SRPRA: variants seen among roughly 807,000 people sequenced by gnomAD.
SRPRA encodes SRP receptor subunit alpha.
SRPRA carries 30 observed loss-of-function variants against 61.1 expected under a neutral mutation model. The observed-to-expected ratio is 0.49, with a 90% confidence interval of 0.37 to 0.67. The LOEUF (loss-of-function observed/expected upper bound fraction) is 0.67. SRPRA is among the 30% of genes least tolerant of loss of function. The pLI is 0.00. For missense variants in SRPRA, 759 were observed against 828.4 expected (o/e 0.92, Z 1.03); for synonymous variants, 324 against 299.7 (o/e 1.08, Z -0.84).
Position 126,265,220 on chromosome 11 carries a change from C to A in SRPRA, c.1311+48G>T, listed in dbSNP as rs778694758. On this transcript the variant is annotated intron_variant, in intron 10 of 13. Transcript: ENST00000332118. This position sits in a 1 kb window ranked among gnomAD's most constrained non-coding sequence, Gnocchi z 6.3. ...GTCACCTAAAGCCAGGATTTTGAGA[C>A]ACAAGAAGTACAGAAATATCAGCGA... 5.0e-6 allele frequency: 8 copies of A among 1,613,648 alleles called. No individual in the cohort carries two copies. The highest frequency in any genetic ancestry group is 4.5e-5 in the East Asian group (2 of 44,896).
chr11:126,256,744 A>G, the SRPRA span: 6 of 1,614,168 alleles, frequency 3.7e-6, no homozygotes, highest in Non-Finnish European at 5.1e-6. The surrounding 1 kb of genome is among the most constrained non-coding windows in gnomAD (Gnocchi z 6.6). Flanking sequence ...GCTTCGAGAA[A>G]ACATGCTGGA....
rs764757201 is a variant in SRPRA at position 126,265,306 on chromosome 11, C to T, written c.1273G>A (p.Gly425Ser). ...GTAGATTTCCCCACTCCATTAACGC[C>T]GCAGAAGGTGACGACATAAGGGCGC... ...RQRPYVVTFC[G>S]VNGVGKSTNL... The change falls in exon 10 of 14, where the codon GGC becomes AGC. Residue 425 changes from glycine (G) to serine (S), a missense_variant. Transcript: ENST00000332118. The surrounding 1 kb of genome is among the most constrained non-coding windows in gnomAD (Gnocchi z 6.3). The T allele has an allele frequency of 5.0e-6, 8 of 1,614,180 alleles. No individual in the cohort carries two copies. The highest frequency in any genetic ancestry group is 6.8e-6 in the Non-Finnish European group (8 of 1,180,034).
In SRPRA at chr11:126,267,589, C is replaced by A. The variant is rs780982172; in HGVS notation, c.325G>T (p.Gly109Cys). The A allele has an allele frequency of 6.2e-7, 1 of 1,614,114 alleles. No homozygotes were observed. ...QQQSALSLLN[G>C]TFDFQNDFLR... Reference sequence around the variant, plus strand: ...AAGTCATTTTGGAAATCAAAAGTGCCATTTAATAAACTTAAAGCACTTTGC... The same window carrying A: ...AAGTCATTTTGGAAATCAAAAGTGCAATTTAATAAACTTAAAGCACTTTGC... Residue 109 changes from glycine (G) to cysteine (C), a missense_variant, in exon 3 of 14, where the codon GGC becomes TGC. Gly to Cys is a radical substitution (Grantham distance 159). Coordinates refer to ENST00000332118, the MANE Select transcript of SRPRA (RefSeq NM_003139.4). This position sits in a 1 kb window ranked among gnomAD's most constrained non-coding sequence, Gnocchi z 4.2.
At chr11:126,241,625 T>C in the SRPRA span, among the ~76,000 whole-genome samples, 124,446 of 151,890 alleles carry the variant, frequency 0.82, 51,254 homozygotes, top group East Asian at 1. Context: ...TCTCGCCTCA[T>C]GGCAGCCTCC....
chr11:126,248,132 C>G, the SRPRA span, among the ~76,000 whole-genome samples: 1 of 149,114 alleles, frequency 6.7e-6, no homozygotes, highest in African/African-American at 2.4e-5. Flanking sequence ...GGCAACAGAG[C>G]AAGACTCTGT....
rs767063498 is a variant in SRPRA at position 126,267,971 on chromosome 11, A to G, written c.201+32T>C. The G allele has an allele frequency of 1.2e-5, 20 of 1,600,246 alleles. No homozygotes were observed. Among genetic ancestry groups the G allele is most frequent in the Non-Finnish European group, 1.5e-5 (17 of 1,167,602 alleles). ...CTTAAAAATCAGGGCTATGTTAACA[A>G]TGCAATCGTCCCTCTACAACACCCC... On this transcript the variant is annotated intron_variant, in intron 2 of 13. Transcript: ENST00000332118. The surrounding 1 kb of genome is among the most constrained non-coding windows in gnomAD (Gnocchi z 4.2).
In SRPRA at chr11:126,264,093, C is replaced by T; in HGVS notation, c.1789-49G>A. ...CATCAACACAAGCCCACTTTTCACT[C>T]ACCCTCTCAGGAACAGGAAGCGCTG... On this transcript the variant is annotated intron_variant, in intron 13 of 13. Transcript: ENST00000332118. This position sits in a 1 kb window ranked among gnomAD's most constrained non-coding sequence, Gnocchi z 5.0. The T allele has an allele frequency of 6.2e-7, 1 of 1,613,530 alleles. No individual in the cohort carries two copies. Among genetic ancestry groups the T allele is most frequent in the Non-Finnish European group, 8.5e-7 (1 of 1,179,666 alleles).
chr11:126,248,667 G>A, the SRPRA span, among the ~76,000 whole-genome samples: 1 of 152,072 alleles, frequency 6.6e-6, no homozygotes, highest in Non-Finnish European at 1.5e-5. Context: ...AGCACGCCCG[G>A]CCCAGACTCG....
chr11:126,240,690 C>G, the SRPRA span: 1 of 1,233,626 alleles, frequency 8.1e-7, no homozygotes, highest in Non-Finnish European at 1.1e-6. Flanking sequence ...TTCTTTGCAA[C>G]TATAAAAGTT....
the SRPRA span, among the ~76,000 whole-genome samples, chr11:126,237,394 T>A: frequency 6.9e-6 from 1 of 145,714 alleles, no homozygotes; most frequent in African/African-American, 2.5e-5. Context: ...CTAATTTTTA[T>A]TTTATTTATT....
downstream of SRPRA, chr11:126,262,102 T>C (rs767794369): frequency 1.9e-6 from 3 of 1,614,002 alleles, no homozygotes; most frequent in Non-Finnish European, 1.7e-6. Context: ...TTTTGTTCTC[T>C]TTTCTTTCTC....
Position 126,267,558 on chromosome 11 carries a change from C to T in SRPRA, c.356G>A (p.Arg119Gln), listed in dbSNP as rs376433751. The T allele has an allele frequency of 9.3e-6, 15 of 1,613,886 alleles. No individual in the cohort carries two copies. The highest frequency in any genetic ancestry group is 5.5e-5 in the South Asian group (5 of 91,076). Residue 119 changes from arginine to glutamine, a missense_variant, in exon 3 of 14, where the codon CGG (arginine) becomes CAG (glutamine). By Grantham distance (43) the Arg-to-Gln change is conservative (BLOSUM62 1). Transcript: ENST00000332118. This position sits in a 1 kb window ranked among gnomAD's most constrained non-coding sequence, Gnocchi z 4.2. ...GTFDFQNDFL[R>Q]LLREAEESSK... ...AAGGCAGGTCTCTCACCGAAGGAGC[C>T]GCAGGAAGTCATTTTGGAAATCAAA...
At position 126,265,791 on chromosome 11, in the gene SRPRA, G is replaced by A. The variant is rs1251673701; in HGVS notation, c.1084C>T (p.Leu362Phe). 3 of 1,614,232 alleles carry A rather than the reference G, an allele frequency of 1.9e-6. No individual in the cohort carries two copies. Among genetic ancestry groups the A allele is most frequent in the South Asian group, 2.2e-5 (2 of 91,086 alleles). Residue 362 changes from leucine to phenylalanine, a missense_variant, in exon 9 of 14, where the codon CTC becomes TTC. This residue lies in a region of SRPRA where 475 missense variants were observed against 462.5 expected (regional missense o/e 1.03). Coordinates refer to ENST00000332118, the MANE Select transcript of SRPRA (RefSeq NM_003139.4). The surrounding 1 kb of genome is among the most constrained non-coding windows in gnomAD (Gnocchi z 6.3). ...KNVAADIAVQLCESVANKLEG... is the reference protein window; with the variant it reads ...KNVAADIAVQFCESVANKLEG... ...AACTTGTTGGCAACAGATTCACAGAGCTGGACGGCAATGTCTGCAGCCACG... is the reference window on the plus strand; with the variant it reads ...AACTTGTTGGCAACAGATTCACAGAACTGGACGGCAATGTCTGCAGCCACG...
At position 126,265,723 on chromosome 11, in the gene SRPRA, AG is replaced by A. The variant is rs774770955; in HGVS notation, c.1138+13del. On this transcript the variant is annotated intron_variant, in intron 9 of 13. Transcript: ENST00000332118. This position sits in a 1 kb window ranked among gnomAD's most constrained non-coding sequence, Gnocchi z 6.3. ...CCTACACATAAGCACTTTCTCACTT[AG>A]GTAAGTACTTACTGCTGAACGTCCC... 1.9e-6 allele frequency: 3 copies of A among 1,613,118 alleles called. No homozygotes were observed. The highest frequency in any genetic ancestry group is 2.5e-6 in the Non-Finnish European group (3 of 1,179,190).
the SRPRA span, among the ~76,000 whole-genome samples, chr11:126,250,946 G>C: frequency 2.0e-5 from 3 of 152,110 alleles, no homozygotes; most frequent in African/African-American, 7.2e-5. The surrounding 1 kb of genome is among the most constrained non-coding windows in gnomAD (Gnocchi z 5.1). Context: ...TCAGTTCTAT[G>C]ACTCTTGACA....
chr11:126,237,215 C>CT, the SRPRA span, among the ~76,000 whole-genome samples: 16,851 of 42,484 alleles, frequency 0.4, 5,696 homozygotes, highest in African/African-American at 0.44. Context: ...CGCGCCTGGC[C>CT]TTTTTTTTTT....
the SRPRA span, among the ~76,000 whole-genome samples, chr11:126,241,644 G>A: frequency 6.6e-6 from 1 of 151,850 alleles, no homozygotes; most frequent in Non-Finnish European, 1.5e-5. Context: ...CCGCCTCCTG[G>A]GTTCAAGCGA....
chr11:126,263,690 C>A lies in SRPRA; in HGVS notation c.*226G>T. 1 of 558,918 alleles carries A rather than the reference C, an allele frequency of 1.8e-6. No homozygotes were observed. Among genetic ancestry groups the A allele is most frequent in the Non-Finnish European group, 3.1e-6 (1 of 323,400 alleles). 34.6% of individuals were successfully genotyped at this position (558,918 alleles called of 1,614,324 possible). On this transcript the variant is annotated 3_prime_UTR_variant, in exon 14 of 14. Coordinates refer to ENST00000332118, the MANE Select transcript of SRPRA (RefSeq NM_003139.4). Reference sequence around the variant, plus strand: ...GGGTGCCTGAGTAGGAAGGGGGAGGCCCGCTGGGAGAGGGTCAGTGGGCAG... The same window carrying A: ...GGGTGCCTGAGTAGGAAGGGGGAGGACCGCTGGGAGAGGGTCAGTGGGCAG...
chr11:126,237,026 C>T, the SRPRA span, among the ~76,000 whole-genome samples: 4 of 149,642 alleles, frequency 2.7e-5, no homozygotes, highest in East Asian at 2.0e-4. Flanking sequence ...ACACCATTCT[C>T]CTGCCTCAGC....
Sources: gnomAD v4.1 joint callset for allele counts (sites outside exome capture counted in the v4.1 genomes callset) on GRCh38, gnomAD v4.1.1 for gene constraint, gnomAD v4.1.1 regional missense constraint, Gnocchi (gnomAD v3.1) non-coding constraint, MANE v1.5 for transcripts, NCBI Gene and HGNC (gene_info 2026-07-23, HGNC 2026-07-21) for gene names.